Variants in HOMER2 observed in about 807,000 individuals in gnomAD.
The protein encoded by HOMER2 is homer scaffold protein 2, also known as homer protein homolog 2.
In HOMER2, 27 loss-of-function variants were observed where a neutral mutation model predicts 47.0. The observed-to-expected ratio is 0.57, with a 90% CI of 0.42 to 0.79. The LOEUF (loss-of-function observed/expected upper bound fraction) is 0.79. Ranked by LOEUF, HOMER2 falls within the 30% of genes least tolerant of loss-of-function variation. The probability of loss-of-function intolerance (pLI) is 0.00; values close to 1 mark genes in which losing one functional copy is unlikely to be tolerated. For missense variants in HOMER2, 443 were observed against 435.0 expected (o/e 1.02, Z -0.16); for synonymous variants, 161 against 163.8 (o/e 0.98, Z 0.13).
chr15:82,981,628 T>G (rs967353188), intron 1 of HOMER2, among the ~76,000 whole-genome samples: 1 of 152,220 alleles, frequency 6.6e-6, no homozygotes, highest in African/African-American at 2.4e-5. Context: ...CATTAATAGA[T>G]GAATGGATAA....
chr15:82,929,583 G>A (rs1020841453), intron 1 of HOMER2, among the ~76,000 whole-genome samples: 5 of 147,338 alleles, frequency 3.4e-5, no homozygotes, highest in African/African-American at 1.3e-4. Flanking sequence ...TTGAACCCAG[G>A]AGGCGGAGAT....
intron 4 of HOMER2, 75 bp from the exon 5 acceptor site, chr15:82,859,210 C>A: frequency 6.2e-7 from 1 of 1,601,346 alleles, no homozygotes; most frequent in Non-Finnish European, 8.5e-7. Context: ...TGCTTGTCTG[C>A]ACATCGGCAG....
At chr15:82,834,784 A>G (rs1383752553), downstream of HOMER2, 1 of 152,288 alleles carries the variant, frequency 6.6e-6, no homozygotes, top group East Asian at 1.9e-4. Flanking sequence ...CTGCTGTAAA[A>G]GCAAAGTCTT....
At chr15:82,909,347 G>A (rs1464017623) in intron 1 of HOMER2, among the ~76,000 whole-genome samples, 2 of 152,208 alleles carry the variant, frequency 1.3e-5, no homozygotes, top group South Asian at 2.1e-4. Flanking sequence ...TCTTCCTAAC[G>A]CAGTTAGTCC....
chr15:82,952,426 G>T, intron 1 of HOMER2, 105 bp downstream of exon 1: 1 of 813,246 alleles, frequency 1.2e-6, no homozygotes, highest in Non-Finnish European at 1.6e-6. Flanking sequence ...GCTTGGGGAG[G>T]CGGGGGCCGG....
At position 82,849,901 on chromosome 15, in the gene HOMER2, C is replaced by T. The variant is rs777681139; in HGVS notation, c.846G>A (p.Ala282=). The change falls in exon 9 of 9, where the codon GCG becomes GCA. Residue 282 remains alanine, a splice_region_variant and synonymous_variant. Coordinates refer to ENST00000450735, the MANE Select transcript of HOMER2 (RefSeq NM_004839.4). ...CCAGGTTTTGATTGTCTCTCTCTGC[C>T]GCCTGGCCAAGCAAAAGGGAGAAGG... ...ECEYVSEKLE[A]AERDNQNLED... The T allele has an allele frequency of 6.8e-6, 11 of 1,613,236 alleles. No homozygotes were observed. The highest frequency in any genetic ancestry group is 1.7e-5 in the Admixed American group (1 of 59,946).
intron 7 of HOMER2, among the ~76,000 whole-genome samples, chr15:82,851,811 T>A (rs1310573956): frequency 6.6e-6 from 1 of 152,218 alleles, no homozygotes; most frequent in African/African-American, 2.4e-5. Flanking sequence ...AATAAGTGGT[T>A]ACATCATGGG....
At chr15:82,978,776 A>T (rs1414052098) in intron 1 of HOMER2, among the ~76,000 whole-genome samples, 1 of 152,176 alleles carries the variant, frequency 6.6e-6, no homozygotes, top group Non-Finnish European at 1.5e-5. Flanking sequence ...ACTGAAGTTC[A>T]GTGGCACAAT....
intron 1 of HOMER2, among the ~76,000 whole-genome samples, chr15:82,915,889 A>T (rs2053577808): frequency 6.6e-6 from 1 of 152,256 alleles, no homozygotes; most frequent in Admixed American, 6.5e-5. Flanking sequence ...TAAATTAAGT[A>T]TGATATATCC....
At chr15:82,905,195 C>CA (rs1307900487) in intron 1 of HOMER2, among the ~76,000 whole-genome samples, 1 of 151,136 alleles carries the variant, frequency 6.6e-6, no homozygotes, top group East Asian at 1.9e-4. Context: ...TCTCAGTCTT[C>CA]AAGGCAGCCT....
At chr15:82,978,341 C>T (rs1443519578) in intron 1 of HOMER2, among the ~76,000 whole-genome samples, 2 of 152,086 alleles carry the variant, frequency 1.3e-5, no homozygotes, top group African/African-American at 2.4e-5. Flanking sequence ...AATTCACTTC[C>T]TGTGATAAAT....
chr15:82,899,156 T>G (rs898486476), intron 1 of HOMER2, among the ~76,000 whole-genome samples: 2 of 152,240 alleles, frequency 1.3e-5, no homozygotes, highest in Admixed American at 1.3e-4. Context: ...CCCTGCCCTC[T>G]CACCAGAAGG....
At chr15:82,853,595 C>T (rs905326577) in intron 6 of HOMER2, among the ~76,000 whole-genome samples, 3 of 152,134 alleles carry the variant, frequency 2.0e-5, no homozygotes, top group African/African-American at 4.8e-5. Flanking sequence ...CCCCTAAAAC[C>T]CTGCACTGAC....
intron 1 of HOMER2, among the ~76,000 whole-genome samples, chr15:82,961,965 T>C (rs1596385584): frequency 2.0e-5 from 3 of 152,016 alleles, no homozygotes; most frequent in East Asian, 3.9e-4. Flanking sequence ...GGTTTCACCA[T>C]GTTGGCCAGG....
chr15:82,910,132 CAAAAAAAAA>C (rs35191408), intron 1 of HOMER2, among the ~76,000 whole-genome samples: 16 of 22,130 alleles, frequency 7.2e-4, no homozygotes, highest in Middle Eastern at 0.028. Context: ...GATTCTGTCT[CAAAAAAAAA>C]AAAAAAAAAA....
intron 1 of HOMER2, among the ~76,000 whole-genome samples, chr15:82,959,535 A>T (rs1304586913): frequency 6.6e-6 from 1 of 152,186 alleles, no homozygotes; most frequent in Non-Finnish European, 1.5e-5. Flanking sequence ...CAAGGCATAG[A>T]TGGTGGAAGT....
At chr15:82,921,120 C>A (rs1876064923) in intron 1 of HOMER2, among the ~76,000 whole-genome samples, 1 of 152,074 alleles carries the variant, frequency 6.6e-6, no homozygotes, top group Non-Finnish European at 1.5e-5. Flanking sequence ...CATGGGGAAA[C>A]CCCATCTCTA....
At chr15:82,974,715 G>C (rs2030141230) in intron 1 of HOMER2, among the ~76,000 whole-genome samples, 1 of 152,194 alleles carries the variant, frequency 6.6e-6, no homozygotes, top group Non-Finnish European at 1.5e-5. Context: ...TCTCTGAAGA[G>C]TATTCTACAA....
chr15:82,849,967 G>A, intron 8 of HOMER2, 64 bp from the exon 9 acceptor site: 1 of 1,521,822 alleles, frequency 6.6e-7, no homozygotes, highest in Non-Finnish European at 9.0e-7. Flanking sequence ...TTCAAAACCT[G>A]CTACAGCTGA....
Sources: gnomAD v4.1 joint callset for allele counts (sites outside exome capture counted in the v4.1 genomes callset) on GRCh38, gnomAD v4.1.1 for gene constraint, MANE v1.5 for transcripts, NCBI Gene and HGNC (gene_info 2026-07-23, HGNC 2026-07-21) for gene names.